Variants in ENTHD1 observed in about 807,000 individuals in gnomAD.
ENTHD1 encodes the protein ENTH domain-containing protein 1.
Under a neutral mutation model 39.1 loss-of-function variants are expected in ENTHD1, and 23 were observed. That is an observed-to-expected ratio of 0.59 (90% confidence interval 0.42 to 0.83). The LOEUF is 0.83. ENTHD1 is among the 40% of genes least tolerant of loss of function. The probability of loss-of-function intolerance (pLI) is 0.00; values close to 1 mark genes in which losing one functional copy is unlikely to be tolerated. For missense variants in ENTHD1, 624 were observed against 705.4 expected (o/e 0.88, Z 1.31); for synonymous variants, 230 against 258.2 (o/e 0.89, Z 1.05).
At chr22:39,832,837 C>T (rs552569074) in intron 4 of ENTHD1, among the ~76,000 whole-genome samples, 17 of 152,176 alleles carry the variant, frequency 1.1e-4, no homozygotes, top group Admixed American at 1.3e-4. Flanking sequence ...TATCCTGGGA[C>T]GGAAGGAAGG....
chr22:39,824,955 C>G (rs1011714859), intron 4 of ENTHD1, among the ~76,000 whole-genome samples: 7 of 152,174 alleles, frequency 4.6e-5, no homozygotes, highest in Non-Finnish European at 7.3e-5. Flanking sequence ...CTATAGAAAA[C>G]CTTTCTGGGA....
At chr22:39,800,426 A>T (rs763088681) in intron 5 of ENTHD1, among the ~76,000 whole-genome samples, 6 of 152,210 alleles carry the variant, frequency 3.9e-5, no homozygotes, top group Non-Finnish European at 8.8e-5. Flanking sequence ...GCAACTTCCA[A>T]TCATGTCAGG....
chr22:39,824,201 C>CTTTTT (rs71197195), intron 4 of ENTHD1, among the ~76,000 whole-genome samples: 6 of 71,414 alleles, frequency 8.4e-5, no homozygotes, highest in Non-Finnish European at 1.0e-4. Flanking sequence ...TTGTCCAGTT[C>CTTTTT]TTTTTTTTTT....
At chr22:39,818,217 G>A (rs559468074) in intron 5 of ENTHD1, among the ~76,000 whole-genome samples, 1 of 152,322 alleles carries the variant, frequency 6.6e-6, no homozygotes, top group Non-Finnish European at 1.5e-5. Flanking sequence ...CATATGGAGA[G>A]GAACTGAGGC....
intron 5 of ENTHD1, among the ~76,000 whole-genome samples, chr22:39,784,121 T>A (rs562621323): frequency 2.0e-5 from 3 of 152,006 alleles, no homozygotes; most frequent in African/African-American, 4.8e-5. Context: ...GACAGACACA[T>A]GGCCAACAGG....
At position 39,861,817 on chromosome 22, in the gene ENTHD1, A is replaced by G; in HGVS notation, c.540T>C (p.Ser180=). ...GAAGCTTATACTTCTTCTCTGAAGC[A>G]GAAATATCCGGTGTGGGGGCAGAAG... The part of the protein sequence containing the change: ...ACTSAPTPDI[S]ASEKKYKLPK... The change falls in exon 3 of 7, where the codon TCT becomes TCC. Residue 180 remains serine, a synonymous_variant. Coordinates refer to ENST00000325157, the MANE Select transcript of ENTHD1 (RefSeq NM_152512.4). The G allele has an allele frequency of 1.3e-6, 2 of 1,592,034 alleles. No individual in the cohort carries two copies. The highest frequency in any genetic ancestry group is 1.7e-6 in the Non-Finnish European group (2 of 1,166,070).
chr22:39,880,431 T>C (rs1410345916), intron 2 of ENTHD1, among the ~76,000 whole-genome samples: 3 of 152,170 alleles, frequency 2.0e-5, no homozygotes, highest in African/African-American at 4.8e-5. Context: ...TCCAAACCTA[T>C]AAAATGTACA....
chr22:39,804,100 G>A (rs1247761613), intron 5 of ENTHD1, among the ~76,000 whole-genome samples: 1 of 152,010 alleles, frequency 6.6e-6, no homozygotes, highest in Non-Finnish European at 1.5e-5. Context: ...AGAGGTTGAG[G>A]CAGCAGTGAC....
intron 3 of ENTHD1, among the ~76,000 whole-genome samples, chr22:39,838,169 GTTAAA>G (rs1034791089): frequency 5.3e-5 from 8 of 152,176 alleles, no homozygotes; most frequent in African/African-American, 1.4e-4. Flanking sequence ...AGTATATTCG[GTTAAA>G]TTAAAGTATA....
At chr22:39,787,878 A>G (rs971787561) in intron 5 of ENTHD1, among the ~76,000 whole-genome samples, 5 of 152,250 alleles carry the variant, frequency 3.3e-5, no homozygotes, top group African/African-American at 9.6e-5. Context: ...CAGATTTTCA[A>G]TGTAGATGAA....
At chr22:39,871,010 A>C (rs999126895) in intron 2 of ENTHD1, among the ~76,000 whole-genome samples, 3 of 151,932 alleles carry the variant, frequency 2.0e-5, no homozygotes, top group Admixed American at 6.6e-5. Flanking sequence ...CCTTCTCTAC[A>C]TTAAAAAGAA....
At chr22:39,877,551 G>C (rs768824094) in intron 2 of ENTHD1, among the ~76,000 whole-genome samples, 4 of 152,172 alleles carry the variant, frequency 2.6e-5, no homozygotes, top group Non-Finnish European at 5.9e-5. Context: ...GCTGAGGTCG[G>C]GAAGCCTGAA....
chr22:39,766,110 A>G (rs1402542085), intron 5 of ENTHD1, among the ~76,000 whole-genome samples: 1 of 151,226 alleles, frequency 6.6e-6, no homozygotes, highest in Non-Finnish European at 1.5e-5. Context: ...CACAGTTTCT[A>G]TATGCAAGGC....
chr22:39,888,401 G>A (rs992870680), intron 1 of ENTHD1, among the ~76,000 whole-genome samples: 39 of 151,130 alleles, frequency 2.6e-4, no homozygotes, highest in African/African-American at 9.2e-4. Context: ...CCAAGCAGCT[G>A]GAACTATAGG....
chr22:39,821,191 G>A (rs981097598), intron 4 of ENTHD1, 78 bp from the exon 5 acceptor site: 11 of 1,488,960 alleles, frequency 7.4e-6, no homozygotes, highest in Non-Finnish European at 1.0e-5. Flanking sequence ...GAGCTACAAA[G>A]TATCTAAATG....
intron 5 of ENTHD1, among the ~76,000 whole-genome samples, chr22:39,813,835 G>A (rs1222018976): frequency 1.3e-5 from 2 of 152,002 alleles, no homozygotes; most frequent in African/African-American, 4.8e-5. Flanking sequence ...GATAAACTGG[G>A]AAAACTGGTA....
At chr22:39,795,594 A>ATT (rs59794007) in intron 5 of ENTHD1, among the ~76,000 whole-genome samples, 2 of 141,276 alleles carry the variant, frequency 1.4e-5, no homozygotes, top group East Asian at 4.1e-4. Context: ...TGCCTGGCTA[A>ATT]TTTTTTTTTT....
intron 5 of ENTHD1, among the ~76,000 whole-genome samples, chr22:39,788,853 C>T (rs528865723): frequency 4.6e-5 from 7 of 152,128 alleles, no homozygotes; most frequent in Admixed American, 3.3e-4. Context: ...GATTACAACT[C>T]ACTGAGGGCT....
At chr22:39,870,954 C>G (rs1393660823) in intron 2 of ENTHD1, among the ~76,000 whole-genome samples, 4 of 151,988 alleles carry the variant, frequency 2.6e-5, no homozygotes, top group African/African-American at 9.7e-5. Context: ...GGGAGGATCA[C>G]TTGAGGCCAG....
Sources: gnomAD v4.1 joint callset for allele counts (sites outside exome capture counted in the v4.1 genomes callset) on GRCh38, gnomAD v4.1.1 for gene constraint, MANE v1.5 for transcripts, NCBI Gene and HGNC (gene_info 2026-07-23, HGNC 2026-07-21) for gene names.